Variants in SH2D3A observed in about 807,000 individuals in gnomAD.
SH2D3A encodes SH2 domain-containing protein 3A.
Under a neutral mutation model 50.6 loss-of-function variants are expected in SH2D3A, and 46 were observed. The observed-to-expected ratio is 0.91, with a 90% CI of 0.72 to 1.16. The LOEUF is 1.16. Among genes scored for constraint, SH2D3A ranks in the 50% most tolerant of loss-of-function variants. The pLI, the probability that SH2D3A is intolerant of heterozygous loss-of-function variation, is 0.00. For missense variants in SH2D3A, 783 were observed against 786.2 expected, an observed-to-expected ratio of 1.00 and a Z score of 0.05; for synonymous variants, 377 against 348.4, an observed-to-expected ratio of 1.08 and a Z score of -0.91.
chr19:6,764,710 ACT>A (rs1301474100), intron 1 of SH2D3A, among the ~76,000 whole-genome samples: 2 of 149,298 alleles, frequency 1.3e-5, no homozygotes, highest in Non-Finnish European at 3.0e-5. Context: ...TAGGGTGAAC[ACT>A]CTTTTTTTTT....
At position 6,752,485 on chromosome 19, in the gene SH2D3A, G is replaced by T; in HGVS notation, c.*108C>A. ...GTCCCCACCTCTTCTGTGAGGCACAGGGCAGGATTCCACCTGAGGCGCGAG... is the reference window on the plus strand; with the variant it reads ...GTCCCCACCTCTTCTGTGAGGCACATGGCAGGATTCCACCTGAGGCGCGAG... On this transcript the variant is annotated 3_prime_UTR_variant, in exon 10 of 10. Transcript: ENST00000245908. 9.1e-7 allele frequency: 1 copy of T among 1,103,646 alleles called. No individual in the cohort carries two copies. The highest frequency in any genetic ancestry group is 1.2e-6 in the Non-Finnish European group (1 of 817,958). 68.4% of individuals were successfully genotyped at this position (1,103,646 alleles called of 1,614,324 possible).
chr19:6,763,904 T>TA, intron 1 of SH2D3A, 88 bp from the exon 2 acceptor site: 17 of 216,824 alleles, frequency 7.8e-5, no homozygotes, highest in East Asian at 1.0e-4. Context: ...CTCCATCAAA[T>TA]CTTTTTTTTT....
In SH2D3A at chr19:6,754,056, G is replaced by A. The variant is rs950496441; in HGVS notation, c.1380C>T (p.Gly460=). The change falls in exon 8 of 10, where the codon GGC becomes GGT. Residue 460 remains glycine (G), a synonymous_variant. Transcript: ENST00000245908. ...AAGCCCCAGACCTTCACTTACCAGC[G>A]CCCTCATCCAGAGCCCGCATCAGCG... is the stretch of plus-strand genomic sequence containing the variant. ...LKPLMRALDE[G]AGPCDPGEVA... is the part of the protein sequence containing the mutation. The A allele has an allele frequency of 3.7e-6, 6 of 1,601,748 alleles. No homozygotes were observed. The African/African-American group carries it at 8.1e-5, about 22-fold the overall frequency.
chr19:6,766,355 C>T (rs970833980), intron 1 of SH2D3A, among the ~76,000 whole-genome samples: 1 of 143,954 alleles, frequency 6.9e-6, no homozygotes, highest in Non-Finnish European at 1.5e-5. Flanking sequence ...CATAGGTCAG[C>T]CAAAGGCCAA....
chr19:6,752,741 TTA>T lies in SH2D3A; in HGVS notation c.1581_1582del (p.Asn528ProfsTer19). 1.9e-6 allele frequency: 3 copies of T among 1,544,024 alleles called. No individual in the cohort carries two copies. Among genetic ancestry groups the T allele is most frequent in the Non-Finnish European group, 2.6e-6 (3 of 1,142,198 alleles). The stretch of plus-strand genomic sequence containing the variant: ...GGTCAGGGCCTCCCTCAGCTCCGGG[TTA>T]GGCCGGAATCCTGGAAGCAAGGTCA... On this transcript the variant is annotated frameshift_variant, in exon 10 of 10. Transcript: ENST00000245908. LOFTEE classifies it low-confidence loss of function (END_TRUNC).
chr19:6,753,929 C>CG (rs2145573210), intron 8 of SH2D3A, 123 bp downstream of exon 8: 1 of 1,214,870 alleles, frequency 8.2e-7, no homozygotes, highest in African/African-American at 1.5e-5. Context: ...ATGTGGAGGG[C>CG]GGGGCCTATG....
chr19:6,760,186 C>G (rs922168204), intron 3 of SH2D3A, among the ~76,000 whole-genome samples: 1 of 151,900 alleles, frequency 6.6e-6, no homozygotes, highest in Admixed American at 6.6e-5. Flanking sequence ...ACCAGCCTGG[C>G]CAACATGGTG....
chr19:6,763,838 C>T, intron 1 of SH2D3A, 22 bp from the exon 2 acceptor site: 1 of 1,065,906 alleles, frequency 9.4e-7, no homozygotes. Context: ...GAATAATTAG[C>T]CCTGCTTGAG....
At position 6,754,353 on chromosome 19, in the gene SH2D3A, G is replaced by C; in HGVS notation, c.1170C>G (p.Ala390=). 4 of 1,568,814 alleles carry C rather than the reference G, an allele frequency of 2.5e-6. No homozygotes were observed. The highest frequency in any genetic ancestry group is 1.1e-5 in the South Asian group (1 of 87,734). Reference sequence around the variant, plus strand: ...CCAGCTCTACCAGTCCCCTCAGTGCGGCTGCGCGCTCCTCCAGCGGCCCCG... The same window carrying C: ...CCAGCTCTACCAGTCCCCTCAGTGCCGCTGCGCGCTCCTCCAGCGGCCCCG... ...GCSGPLEERA[A]ALRGLVELAL... The change falls in exon 7 of 10, where the codon GCC becomes GCG. Residue 390 remains alanine (A), a synonymous_variant. Coordinates refer to ENST00000245908, the MANE Select transcript of SH2D3A (RefSeq NM_005490.3).
At chr19:6,752,834 C>T in intron 9 of SH2D3A, 81 bp from the exon 10 acceptor site, 1 of 1,436,782 alleles carries the variant, frequency 7.0e-7, no homozygotes, top group Non-Finnish European at 9.2e-7. Context: ...CCTTCCTTTC[C>T]CCAGAGGACT....
intron 1 of SH2D3A, chr19:6,764,520 G>C (rs1970199761): frequency 6.6e-6 from 1 of 152,106 alleles, no homozygotes; most frequent in Non-Finnish European, 1.5e-5. Context: ...TGGGGTCCCA[G>C]GCTCTGTTCT....
At chr19:6,753,939 G>A (rs1969485848) in intron 8 of SH2D3A, 113 bp downstream of exon 8, 2 of 1,304,168 alleles carry the variant, frequency 1.5e-6, no homozygotes, top group Non-Finnish European at 1.0e-6. Context: ...CGGGGCCTAT[G>A]GTGAAGGGAC....
intron 9 of SH2D3A, chr19:6,753,255 G>A (rs1969428647): frequency 2.0e-6 from 2 of 985,412 alleles, no homozygotes; most frequent in East Asian, 1.1e-4. Context: ...TGAGGTGGAC[G>A]GCCCTGTTCC....
Position 6,760,709 on chromosome 19 carries a change from C to A in SH2D3A, c.348G>T (p.Trp116Cys). 1 of 1,613,530 alleles carries A rather than the reference C, an allele frequency of 6.2e-7. No individual in the cohort carries two copies. Among genetic ancestry groups the A allele is most frequent in the Non-Finnish European group, 8.5e-7 (1 of 1,179,518 alleles). Residue 116 changes from tryptophan (W) to cysteine (C), a missense_variant, in exon 3 of 10, where the codon TGG (tryptophan) becomes TGT (cysteine). Trp to Cys is a radical substitution (Grantham distance 215, BLOSUM62 -2). Transcript: ENST00000245908. ...TGAVVSRPVT[W>C]QGPLRRSFSE... ...TAAAGCTGCGTCGCAGAGGCCCCTG[C>A]CAAGTCACAGGCCTGGAGACCACAG...
chr19:6,753,625 G>T lies in SH2D3A; in HGVS notation c.1401C>A (p.Gly467=), dbSNP rs555962781. The T allele has an allele frequency of 3.8e-6, 6 of 1,581,008 alleles. No homozygotes were observed. The South Asian group carries it at 7.0e-5, about 18-fold the overall frequency. ...GTGCCACGTGCGGCAGCGCCACCTC[G>T]CCGGGGTCGCAGGGTCCTGCGGAGG... ...LDEGAGPCDP[G]EVALPHVAPM... The change falls in exon 9 of 10, where the codon GGC becomes GGA. Residue 467 remains glycine (G), a synonymous_variant. Coordinates refer to ENST00000245908, the MANE Select transcript of SH2D3A (RefSeq NM_005490.3).
intron 9 of SH2D3A, 179 bp downstream of exon 9, chr19:6,753,277 C>T (rs1047571031): frequency 2.3e-5 from 23 of 985,284 alleles, no homozygotes; most frequent in Admixed American, 1.8e-4. Flanking sequence ...ATCAATACCG[C>T]TGGATGCAGC....
chr19:6,752,341 G>C lies in SH2D3A; in HGVS notation c.*252C>G. The C allele has an allele frequency of 2.6e-6, 1 of 383,824 alleles. No homozygotes were observed. Among genetic ancestry groups the C allele is most frequent in the South Asian group, 1.1e-4 (1 of 8,878 alleles). 23.8% of individuals were successfully genotyped at this position (383,824 alleles called of 1,614,324 possible). A position where few individuals can be genotyped will look rare whatever the true frequency, so the allele number is the denominator to read the frequency against. ...TGATTTTGTTAAAGGCCGACACAGAGGTGAAGTCAACTGCTAGAAATCACG... is the reference window on the plus strand; with the variant it reads ...TGATTTTGTTAAAGGCCGACACAGACGTGAAGTCAACTGCTAGAAATCACG... On this transcript the variant is annotated 3_prime_UTR_variant, in exon 10 of 10. Transcript: ENST00000245908.
intron 4 of SH2D3A, chr19:6,758,027 TTTTTG>T (rs928809416): frequency 3.3e-5 from 5 of 152,220 alleles, no homozygotes; most frequent in Non-Finnish European, 7.3e-5. Flanking sequence ...TACTCTGTTT[TTTTTG>T]TTTTGTTTTG....
Position 6,752,626 on chromosome 19 carries a change from G to A in SH2D3A, c.1698C>T (p.Gly566=), listed in dbSNP as rs2145564432. ...ERFEKFQRVL[G]VLSQRLEPDR is the part of the protein sequence containing the mutation. ...CAGGCTCCAGGCGCTGCGACAGGACGCCGAGGACGCGCTGGAACTTCTCAA... is the reference window on the plus strand; with the variant it reads ...CAGGCTCCAGGCGCTGCGACAGGACACCGAGGACGCGCTGGAACTTCTCAA... Residue 566 remains glycine (G), a synonymous_variant, in exon 10 of 10, where the codon GGC becomes GGT. Transcript: ENST00000245908. The A allele has an allele frequency of 1.9e-6, 3 of 1,558,758 alleles. No homozygotes were observed. Among genetic ancestry groups the A allele is most frequent in the Middle Eastern group, 1.7e-4 (1 of 5,974 alleles).
Sources: allele counts gnomAD v4.1 joint callset (sites outside exome capture counted in the v4.1 genomes callset), GRCh38; gene constraint gnomAD v4.1.1; transcripts MANE v1.5; gene names NCBI Gene and HGNC (gene_info 2026-07-23, HGNC 2026-07-21).